Variants in DPP10 observed in about 807,000 individuals in gnomAD.
DPP10 encodes the protein dipeptidyl peptidase like 10.
A neutral mutation model predicts 120.9 loss-of-function variants in DPP10; 33 were observed. That is an observed-to-expected ratio of 0.27 (90% CI 0.21 to 0.37). DPP10 has a LOEUF of 0.37. DPP10 is among the 10% of genes least tolerant of loss of function. The pLI, the probability that DPP10 is intolerant of heterozygous loss-of-function variation, is 1.00. For synonymous variants in DPP10, 337 were observed against 326.1 expected (o/e 1.03, Z -0.36); for missense variants, 816 against 942.8 (o/e 0.87, Z 1.76).
In DPP10 at chr2:114,554,842, T is replaced by C. The variant is rs1333658214; in HGVS notation, c.60+112004T>C. ...CAGCATGCACGGACATTTGCTTTTC[T>C]GATTAATCCCTTTGCTACCACCCTC... On this transcript the variant is annotated intron_variant, in intron 1 of 25. Transcript: ENST00000410059. 3.3e-5 allele frequency among the ~76,000 whole-genome samples: 5 copies of C among 152,194 alleles called. No individual in the cohort carries two copies. The South Asian group carries it at 6.2e-4, about 19-fold the overall frequency.
In DPP10 at chr2:115,679,462, G is replaced by T. The variant is rs188502219; in HGVS notation, c.442-10225G>T. Among the ~76,000 whole-genome samples the T allele has an allele frequency of 3.1e-3, 470 of 152,236 alleles. 5 individuals carry two copies. Among genetic ancestry groups the T allele is most frequent in the Admixed American group, 8.0e-3 (123 of 15,294 alleles). ...ACATGTTTGCTTCCCTTTCCACCAT[G>T]TTTGTAAGTTTCCTGAGGCCTTCCC... On this transcript the variant is annotated intron_variant, in intron 5 of 25. Transcript: ENST00000410059.
chr2:115,510,483 G>C (rs1215436951), intron 4 of DPP10, among the ~76,000 whole-genome samples: 1 of 151,878 alleles, frequency 6.6e-6, no homozygotes, highest in Non-Finnish European at 1.5e-5. Context: ...ATTTTGTCTT[G>C]GGACTCTGTA....
At chr2:115,395,072 G>A (rs955682040) in intron 3 of DPP10, among the ~76,000 whole-genome samples, 4 of 152,156 alleles carry the variant, frequency 2.6e-5, no homozygotes, top group African/African-American at 4.8e-5. Flanking sequence ...TTGTTTGCTA[G>A]AGCTGCTGTA....
At chr2:114,477,028 G>A (rs998237032) in intron 1 of DPP10, among the ~76,000 whole-genome samples, 14 of 151,468 alleles carry the variant, frequency 9.2e-5, no homozygotes, top group Non-Finnish European at 1.5e-4. Context: ...GCATGATTTC[G>A]GCTCACTGCA....
At chr2:114,453,639 G>A (rs976732755) in intron 1 of DPP10, among the ~76,000 whole-genome samples, 1 of 152,094 alleles carries the variant, frequency 6.6e-6, no homozygotes, top group East Asian at 1.9e-4. Flanking sequence ...TGAGGATTGT[G>A]GTTAGATATG....
intron 1 of DPP10, among the ~76,000 whole-genome samples, chr2:114,791,933 T>G (rs1683284496): frequency 6.6e-6 from 1 of 152,200 alleles, no homozygotes; most frequent in Non-Finnish European, 1.5e-5. Flanking sequence ...GAATCAGCCT[T>G]CGCACTTTTC....
intron 1 of DPP10, among the ~76,000 whole-genome samples, chr2:114,562,110 ACC>A (rs1688812559): frequency 6.6e-6 from 1 of 152,228 alleles, no homozygotes; most frequent in Non-Finnish European, 1.5e-5. Context: ...GATGAATTCA[ACC>A]AATATTACAG....
At chr2:115,698,892 AAAAC>A (rs775324987) in intron 7 of DPP10, among the ~76,000 whole-genome samples, 12 of 152,168 alleles carry the variant, frequency 7.9e-5, no homozygotes, top group Admixed American at 2.0e-4. Context: ...TCAAAAAAGA[AAAAC>A]AAACTAAACC....
At chr2:114,494,637 G>A (rs1249913964) in intron 1 of DPP10, among the ~76,000 whole-genome samples, 1 of 152,150 alleles carries the variant, frequency 6.6e-6, no homozygotes, top group East Asian at 1.9e-4. Context: ...GCCTATCTCT[G>A]TAAAGAGACA....
chr2:115,632,918 A>C (rs2086002857), intron 5 of DPP10, among the ~76,000 whole-genome samples: 1 of 152,176 alleles, frequency 6.6e-6, no homozygotes, highest in Non-Finnish European at 1.5e-5. Context: ...AGTCATTAAA[A>C]AGTCAGGAAA....
At chr2:115,823,643 G>T (rs188447456) in intron 21 of DPP10, among the ~76,000 whole-genome samples, 126 of 152,146 alleles carry the variant, frequency 8.3e-4, no homozygotes, top group Non-Finnish European at 1.6e-3. Context: ...TTAGTGTTTG[G>T]GGTTGTGCCT....
chr2:114,460,752 G>T (rs918403299), intron 1 of DPP10, among the ~76,000 whole-genome samples: 3 of 152,110 alleles, frequency 2.0e-5, no homozygotes, highest in African/African-American at 7.2e-5. Context: ...CAATAGACAT[G>T]AGCCTTTCAC....
chr2:115,766,286 ATG>A (rs34673352), intron 12 of DPP10, among the ~76,000 whole-genome samples: 1,627 of 70,182 alleles, frequency 0.023, 62 homozygotes, highest in African/African-American at 0.064. Flanking sequence ...CATTATATAT[ATG>A]TGTGTGTGTG....
chr2:115,348,014 G>C (rs1484970101), intron 3 of DPP10, among the ~76,000 whole-genome samples: 1 of 151,986 alleles, frequency 6.6e-6, no homozygotes, highest in Admixed American at 6.6e-5. Flanking sequence ...ACCTTTCCTG[G>C]GGTAGAGGAA....
rs184158087 is a variant in DPP10, at chr2:114,827,732, C to T, written c.60+384894C>T. ...GTAAAAAGATGCCTACCTATTTAGCCTGTGCAGTGGAGGAAGCTGGGGGAG... is the reference window on the plus strand; with the variant it reads ...GTAAAAAGATGCCTACCTATTTAGCTTGTGCAGTGGAGGAAGCTGGGGGAG... On this transcript the variant is annotated intron_variant, in intron 1 of 25. Coordinates refer to ENST00000410059, the MANE Select transcript of DPP10 (RefSeq NM_020868.6). 1.4e-3 allele frequency among the ~76,000 whole-genome samples: 215 copies of T among 152,262 alleles called. 1 individual carries two copies. In the South Asian group the frequency reaches 0.016, roughly 12 times the overall value.
intron 3 of DPP10, among the ~76,000 whole-genome samples, chr2:115,424,493 A>G (rs1375144345): frequency 6.6e-6 from 1 of 152,014 alleles, no homozygotes; most frequent in African/African-American, 2.4e-5. Flanking sequence ...ACAAAAAAAA[A>G]GAAGTCAAAT....
intron 1 of DPP10, among the ~76,000 whole-genome samples, chr2:114,477,282 T>C (rs993385809): frequency 6.6e-6 from 1 of 152,106 alleles, no homozygotes; most frequent in Non-Finnish European, 1.5e-5. Context: ...ATATGCACTC[T>C]TTTGTGACTG....
intron 1 of DPP10, among the ~76,000 whole-genome samples, chr2:114,731,851 G>T (rs1302345597): frequency 1.3e-5 from 2 of 152,072 alleles, no homozygotes; most frequent in Non-Finnish European, 2.9e-5. Flanking sequence ...AGCAGACAAG[G>T]GTCACATGCA....
chr2:115,225,668 A>C lies in DPP10; in HGVS notation c.61-83571A>C, dbSNP rs544214985. 6.6e-5 allele frequency among the ~76,000 whole-genome samples: 10 copies of C among 152,200 alleles called. No individual in the cohort carries two copies. The East Asian group carries it at 1.5e-3, about 24-fold the overall frequency. Reference sequence around the variant, plus strand: ...CATACATGAATGAATAGAGATGAACATAATAAATCAAGTATTAATAGTAAT... The same window carrying C: ...CATACATGAATGAATAGAGATGAACCTAATAAATCAAGTATTAATAGTAAT... On this transcript the variant is annotated intron_variant, in intron 1 of 25. Coordinates refer to ENST00000410059, the MANE Select transcript of DPP10 (RefSeq NM_020868.6).
Sources: gnomAD v4.1 joint callset for allele counts (sites outside exome capture counted in the v4.1 genomes callset) on GRCh38, gnomAD v4.1.1 for gene constraint, MANE v1.5 for transcripts, NCBI Gene and HGNC (gene_info 2026-07-23, HGNC 2026-07-21) for gene names.